SLC16A7: variants seen among roughly 807,000 people sequenced by gnomAD.
SLC16A7 encodes the protein solute carrier family 16 member 7, also known as monocarboxylate transporter 2.
SLC16A7 carries 33 observed loss-of-function variants against 34.9 expected under a neutral mutation model. That is an observed-to-expected ratio of 0.94 (90% CI 0.72 to 1.26). The LOEUF is 1.26. Ranked by LOEUF, SLC16A7 falls within the 50% of genes most tolerant of loss-of-function variation. SLC16A7 has a pLI of 0.00. For missense variants in SLC16A7, 573 were observed against 578.1 expected (o/e 0.99, Z 0.09); for synonymous variants, 201 against 206.6 (o/e 0.97, Z 0.23).
chr12:59,691,828 A>T (rs1871692348), intron 2 of SLC16A7, among the ~76,000 whole-genome samples: 1 of 151,986 alleles, frequency 6.6e-6, no homozygotes, highest in Admixed American at 6.6e-5. Context: ...TGCCACAGTG[A>T]TAAATGATGT....
At chr12:59,611,758 A>T (rs536745781) in intron 1 of SLC16A7, among the ~76,000 whole-genome samples, 11 of 152,336 alleles carry the variant, frequency 7.2e-5, no homozygotes, top group Admixed American at 6.5e-4. Flanking sequence ...GAAATTGGCT[A>T]AAACAGAGGG....
At chr12:59,634,240 T>C (rs1250206216) in intron 1 of SLC16A7, among the ~76,000 whole-genome samples, 7 of 152,060 alleles carry the variant, frequency 4.6e-5, no homozygotes, top group African/African-American at 1.7e-4. Flanking sequence ...GTGTGCATTA[T>C]GAGCACACTG....
intron 2 of SLC16A7, among the ~76,000 whole-genome samples, chr12:59,669,158 A>G (rs1869459767): frequency 6.6e-6 from 1 of 152,248 alleles, no homozygotes; most frequent in Non-Finnish European, 1.5e-5. Context: ...TTCATAATTT[A>G]TAAGTTAAAC....
chr12:59,742,934 T>C (rs1235574130), intron 3 of SLC16A7, among the ~76,000 whole-genome samples: 2 of 152,178 alleles, frequency 1.3e-5, no homozygotes, highest in East Asian at 1.9e-4. Context: ...TAAGAAAGGA[T>C]CTTCCCACCC....
At chr12:59,709,708 A>G (rs995454799) in intron 3 of SLC16A7, among the ~76,000 whole-genome samples, 2 of 151,632 alleles carry the variant, frequency 1.3e-5, no homozygotes, top group Admixed American at 1.3e-4. Flanking sequence ...TGGACTTTTT[A>G]TATCTATGCC....
intron 3 of SLC16A7, among the ~76,000 whole-genome samples, chr12:59,733,107 A>G (rs557235369): frequency 4.6e-5 from 7 of 152,328 alleles, no homozygotes; most frequent in African/African-American, 1.4e-4. Flanking sequence ...GGAAATCAAC[A>G]GGAAGATTTG....
chr12:59,745,633 G>C (rs1010327707), intron 3 of SLC16A7, among the ~76,000 whole-genome samples: 1 of 152,098 alleles, frequency 6.6e-6, no homozygotes, highest in Admixed American at 6.5e-5. Context: ...CCATAATATA[G>C]AACTGTGGCA....
At chr12:59,752,123 A>G (rs1879659583) in intron 3 of SLC16A7, among the ~76,000 whole-genome samples, 1 of 151,894 alleles carries the variant, frequency 6.6e-6, no homozygotes. Context: ...CCATCATCAA[A>G]GACCAAAAGT....
chr12:59,663,973 A>G lies in SLC16A7; in HGVS notation c.-31+8723A>G, dbSNP rs148863945. Among the ~76,000 whole-genome samples the G allele has an allele frequency of 7.4e-4, 112 of 152,170 alleles. 3 individuals carry two copies. In the East Asian group the frequency reaches 0.016, roughly 22 times the overall value. ...TTAGATCTAAATAATTGTATCTTTC[A>G]CATAGGAAATCAGATATTTCTCATC... On this transcript the variant is annotated intron_variant, in intron 2 of 5. Coordinates refer to ENST00000547379, the MANE Select transcript of SLC16A7 (RefSeq NM_001270623.2).
At chr12:59,606,749 C>T (rs1340845461) in intron 1 of SLC16A7, among the ~76,000 whole-genome samples, 1 of 152,088 alleles carries the variant, frequency 6.6e-6, no homozygotes, top group Non-Finnish European at 1.5e-5. Context: ...GCAAAAATAC[C>T]TGGACAAATA....
chr12:59,666,068 G>T (rs1270663220), intron 2 of SLC16A7, among the ~76,000 whole-genome samples: 1 of 152,090 alleles, frequency 6.6e-6, no homozygotes, highest in Non-Finnish European at 1.5e-5. Context: ...GGAGTTTGGA[G>T]TTGATAGGAA....
At chr12:59,619,794 C>G (rs574709884) in intron 1 of SLC16A7, among the ~76,000 whole-genome samples, 29 of 152,074 alleles carry the variant, frequency 1.9e-4, no homozygotes, top group African/African-American at 7.0e-4. Flanking sequence ...TCTAAATAAG[C>G]AATTATAATA....
At chr12:59,682,782 A>C (rs1470108729) in intron 2 of SLC16A7, among the ~76,000 whole-genome samples, 3 of 152,288 alleles carry the variant, frequency 2.0e-5, no homozygotes, top group Admixed American at 6.5e-5. Context: ...TAAGTAAAAC[A>C]AATTGCGGCC....
chr12:59,760,970 T>C (rs1880953214), intron 3 of SLC16A7: 1 of 153,938 alleles, frequency 6.5e-6, no homozygotes, highest in African/African-American at 2.4e-5. Context: ...GTGAAATATA[T>C]CGTAACATTG....
intron 2 of SLC16A7, among the ~76,000 whole-genome samples, chr12:59,681,064 A>G (rs1373014715): frequency 2.0e-5 from 3 of 152,156 alleles, no homozygotes; most frequent in Admixed American, 6.5e-5. Context: ...ATTCCCAAAG[A>G]CCCAAAGCTG....
In SLC16A7 at chr12:59,779,586, T is replaced by C. The variant is rs200809222; in HGVS notation, c.1344T>C (p.Ser448=). Residue 448 remains serine (S), a synonymous_variant, in exon 6 of 6, where the codon TCT becomes TCC. Coordinates refer to ENST00000547379, the MANE Select transcript of SLC16A7 (RefSeq NM_001270623.2). ...ATGCAAGGCAGAAGACCAGAGAATC[T>C]GAACCCTTGAGCAAATCTAAACATT... ...EENARQKTRE[S]EPLSKSKHSE... 2.0e-5 allele frequency: 32 copies of C among 1,612,352 alleles called. No homozygotes were observed. Among genetic ancestry groups the C allele is most frequent in the Non-Finnish European group, 2.5e-5 (30 of 1,178,836 alleles).
intron 1 of SLC16A7, among the ~76,000 whole-genome samples, chr12:59,612,743 G>T (rs1387876267): frequency 6.6e-6 from 1 of 152,098 alleles, no homozygotes; most frequent in Non-Finnish European, 1.5e-5. Flanking sequence ...GATCTTTAGG[G>T]CAGGGGCAAA....
intron 3 of SLC16A7, chr12:59,720,074 T>C (rs776592866): frequency 1.4e-6 from 1 of 699,886 alleles, no homozygotes; most frequent in South Asian, 1.5e-5. Context: ...TTTCTAATTC[T>C]TCAGGTTGGT....
intron 4 of SLC16A7, 27 bp from the exon 5 acceptor site, chr12:59,774,629 TC>T (rs1565716153): frequency 7.1e-7 from 1 of 1,407,480 alleles, no homozygotes; most frequent in Non-Finnish European, 9.7e-7. Flanking sequence ...GTTTGTGTTT[TC>T]CCCCACTTTT....
Sources: gnomAD v4.1 joint callset for allele counts (sites outside exome capture counted in the v4.1 genomes callset) on GRCh38, gnomAD v4.1.1 for gene constraint, MANE v1.5 for transcripts, NCBI Gene and HGNC (gene_info 2026-07-23, HGNC 2026-07-21) for gene names.